ITGA8: variants seen among roughly 807,000 people sequenced by gnomAD.
ITGA8 encodes integrin alpha-8.
A neutral mutation model predicts 142.3 loss-of-function variants in ITGA8; 91 were observed. The observed-to-expected ratio is 0.64, with a 90% CI of 0.54 to 0.76. ITGA8 has a LOEUF of 0.76. Among genes scored for constraint, ITGA8 ranks in the 30% least tolerant of loss-of-function variants. The probability of loss-of-function intolerance (pLI) is 0.00; values close to 1 mark genes in which losing one functional copy is unlikely to be tolerated. For synonymous variants in ITGA8, 505 were observed against 485.2 expected (o/e 1.04, Z -0.54); for missense variants, 1,406 against 1,327.7 (o/e 1.06, Z -0.92).
At position 15,623,497 on chromosome 10, in the gene ITGA8, C is replaced by A. The variant is rs150279383; in HGVS notation, c.1400-6938G>T. Among the ~76,000 whole-genome samples, 31 of 152,190 alleles carry A rather than the reference C, an allele frequency of 2.0e-4. 1 individual carries two copies. The East Asian group carries it at 5.2e-3, about 26-fold the overall frequency. On this transcript the variant is annotated intron_variant, in intron 13 of 29. Transcript: ENST00000378076. Reference sequence around the variant, plus strand: ...GGTCAGGAGTTCAAGACCTGCCTGACCAACAGTGCAAAACCCCATCTCTAC... The same window carrying A: ...GGTCAGGAGTTCAAGACCTGCCTGAACAACAGTGCAAAACCCCATCTCTAC...
intron 4 of ITGA8, among the ~76,000 whole-genome samples, chr10:15,680,186 G>A (rs1401475690): frequency 6.9e-6 from 1 of 145,432 alleles, no homozygotes; most frequent in African/African-American, 2.6e-5. Context: ...TAGTTTTAGC[G>A]CTGTCACCAT....
rs1473567165 is a variant in ITGA8 at position 15,531,678 on chromosome 10, C to T, written c.2881-527G>A. ...ATTGGCTGGGCGCAGTGGCTCATGC[C>T]TGTAATCCCAGCACTTTGGGAGGCC... On this transcript the variant is annotated intron_variant, in intron 27 of 29. Coordinates refer to ENST00000378076, the MANE Select transcript of ITGA8 (RefSeq NM_003638.3). 2.0e-5 allele frequency among the ~76,000 whole-genome samples: 3 copies of T among 152,256 alleles called. No homozygotes were observed. In the East Asian group the frequency reaches 5.8e-4, roughly 29 times the overall value.
At chr10:15,678,687 T>G in intron 5 of ITGA8, 35 bp downstream of exon 5, 1 of 1,476,916 alleles carries the variant, frequency 6.8e-7, no homozygotes. Context: ...AAAATCAGAT[T>G]AAATATTAGG....
chr10:15,531,738 G>A (rs1293057962), intron 27 of ITGA8, among the ~76,000 whole-genome samples: 2 of 151,724 alleles, frequency 1.3e-5, no homozygotes. Context: ...AGGAGTTTGA[G>A]ACCATCCTGG....
At chr10:15,701,633 C>A (rs1040556402) in intron 2 of ITGA8, among the ~76,000 whole-genome samples, 3 of 152,152 alleles carry the variant, frequency 2.0e-5, no homozygotes, top group African/African-American at 7.2e-5. Context: ...AGAGATCGCC[C>A]TGGGACAGAA....
intron 11 of ITGA8, among the ~76,000 whole-genome samples, chr10:15,654,508 C>A (rs1017128726): frequency 2.0e-5 from 3 of 152,186 alleles, no homozygotes; most frequent in African/African-American, 7.2e-5. Context: ...TGCCATGATA[C>A]AATTAACACA....
Position 15,531,338 on chromosome 10 carries a change from G to C in ITGA8, c.2881-187C>G, listed in dbSNP as rs9333239. Reference sequence around the variant, plus strand: ...TTCATCCATCCACCCACACATCCATGCATCCATGCATCCATCCATCTAAGC... The same window carrying C: ...TTCATCCATCCACCCACACATCCATCCATCCATGCATCCATCCATCTAAGC... On this transcript the variant is annotated intron_variant, in intron 27 of 29. Transcript: ENST00000378076. 0.94 allele frequency among the ~76,000 whole-genome samples: 143,217 copies of C among 151,854 alleles called. 67,982 individuals carry two copies. Among genetic ancestry groups the C allele is most frequent in the Non-Finnish European group, 1 (67,911 of 67,974 alleles).
intron 27 of ITGA8, among the ~76,000 whole-genome samples, chr10:15,543,639 C>T (rs1833614636): frequency 6.6e-6 from 1 of 152,118 alleles, no homozygotes; most frequent in Admixed American, 6.5e-5. Context: ...GTTTAAGGAG[C>T]ATATTTACTA....
chr10:15,673,623 C>G (rs1020174358), intron 6 of ITGA8, among the ~76,000 whole-genome samples: 9 of 152,156 alleles, frequency 5.9e-5, no homozygotes, highest in Non-Finnish European at 1.2e-4. Flanking sequence ...AATCACATAT[C>G]TGATTAATAG....
At chr10:15,649,487 G>T (rs1225020462) in intron 11 of ITGA8, among the ~76,000 whole-genome samples, 1 of 151,676 alleles carries the variant, frequency 6.6e-6, no homozygotes, top group Non-Finnish European at 1.5e-5. Context: ...AAAATTAGCT[G>T]GGCATGGTGG....
chr10:15,602,254 GGTAA>G (rs1326921845), intron 20 of ITGA8, among the ~76,000 whole-genome samples: 8 of 152,198 alleles, frequency 5.3e-5, no homozygotes, highest in African/African-American at 1.7e-4. Context: ...GTTATCTGCA[GGTAA>G]GTATTTGTAG....
chr10:15,667,029 T>C (rs1156715066), intron 8 of ITGA8, among the ~76,000 whole-genome samples: 1 of 152,240 alleles, frequency 6.6e-6, no homozygotes, highest in Non-Finnish European at 1.5e-5. Flanking sequence ...GATGCTGGCC[T>C]CATAAAATGA....
At chr10:15,712,995 C>T (rs942324990) in intron 2 of ITGA8, among the ~76,000 whole-genome samples, 32 of 152,230 alleles carry the variant, frequency 2.1e-4, no homozygotes, top group Non-Finnish European at 4.0e-4. Context: ...TACTGCTCAA[C>T]TAGCCATACA....
At chr10:15,675,960 G>C (rs1421935918) in intron 6 of ITGA8, among the ~76,000 whole-genome samples, 2 of 151,944 alleles carry the variant, frequency 1.3e-5, no homozygotes, top group African/African-American at 4.8e-5. Flanking sequence ...CCAAAAGAAT[G>C]GATGATGTGA....
At chr10:15,719,514 C>A (rs1223160096) in intron 1 of ITGA8, 49 bp downstream of exon 1, 1 of 1,473,256 alleles carries the variant, frequency 6.8e-7, no homozygotes, top group African/African-American at 1.5e-5. Context: ...GGACCTGACC[C>A]GGGAGCGCCT....
chr10:15,624,112 T>C (rs1833540366), intron 13 of ITGA8, among the ~76,000 whole-genome samples: 1 of 152,218 alleles, frequency 6.6e-6, no homozygotes, highest in Admixed American at 6.5e-5. Flanking sequence ...TTCCAGTTTT[T>C]GCAAAGTCAC....
chr10:15,673,958 T>C (rs771528086), intron 6 of ITGA8, among the ~76,000 whole-genome samples: 4 of 148,774 alleles, frequency 2.7e-5, no homozygotes, highest in Non-Finnish European at 4.4e-5. Context: ...AAGGCAAAAG[T>C]GTGATATCAT....
In ITGA8 at chr10:15,691,760, A is replaced by G. The variant is rs377733918; in HGVS notation, c.344-3722T>C. ...GTACAAAGTTTCAGTTGGGATGAGT[A>G]AATTATGGAGATTTATTGTACAGAG... is the stretch of plus-strand genomic sequence containing the variant. On this transcript the variant is annotated intron_variant, in intron 2 of 29. Coordinates refer to ENST00000378076, the MANE Select transcript of ITGA8 (RefSeq NM_003638.3). Among the ~76,000 whole-genome samples, 32 of 152,290 alleles carry G rather than the reference A, an allele frequency of 2.1e-4. 1 individual carries two copies. Among genetic ancestry groups the G allele is most frequent in the African/African-American group, 7.5e-4 (31 of 41,556 alleles).
intron 20 of ITGA8, among the ~76,000 whole-genome samples, chr10:15,603,353 T>C (rs1833136383): frequency 6.6e-6 from 1 of 152,196 alleles, no homozygotes; most frequent in Non-Finnish European, 1.5e-5. Flanking sequence ...TGGAAACTAG[T>C]AGACATTTAA....
Sources: allele counts gnomAD v4.1 joint callset (sites outside exome capture counted in the v4.1 genomes callset), GRCh38; gene constraint gnomAD v4.1.1; transcripts MANE v1.5; gene names NCBI Gene and HGNC (gene_info 2026-07-23, HGNC 2026-07-21).